ZNF726: variants seen among roughly 807,000 people sequenced by gnomAD.
ZNF726 encodes zinc finger protein 92 pseudogene 3.
In ZNF726, 15 loss-of-function variants were observed where a neutral mutation model predicts 11.6. That is an observed-to-expected ratio of 1.29 (90% CI 0.86 to 1.99). ZNF726 has a LOEUF of 1.99. Among genes scored for constraint, ZNF726 ranks in the 30% most tolerant of loss-of-function variants. The pLI is 0.00. For missense variants in ZNF726, 890 were observed against 725.6 expected (o/e 1.23, Z -2.60); for synonymous variants, 295 against 243.6 (o/e 1.21, Z -1.96).
chr19:23,938,781 AT>A (rs1341291413), downstream of ZNF726, among the ~76,000 whole-genome samples: 1 of 151,420 alleles, frequency 6.6e-6, no homozygotes, highest in Non-Finnish European at 1.5e-5. Flanking sequence ...TAATTTTTGT[AT>A]TTTTAGTAGA....
At chr19:23,936,361 GGA>G (rs1384509343), downstream of ZNF726, among the ~76,000 whole-genome samples, 1 of 152,020 alleles carries the variant, frequency 6.6e-6, no homozygotes, top group Admixed American at 6.6e-5. Context: ...AATATTTTTT[GGA>G]GAGTTATAAT....
chr19:23,934,133 AACCTT>A lies in ZNF726; in HGVS notation c.*169_*173del, dbSNP rs756215863. On this transcript the variant is annotated 3_prime_UTR_variant, in exon 4 of 4. Coordinates refer to ENST00000594466, the MANE Select transcript of ZNF726 (RefSeq NM_001244038.2). Reference sequence around the variant, plus strand: ...CATTAGATAATTCACACTGGAGAGAAACCTTACAAGTGTGAAGAATGTGGGAAAGC... The same window carrying A: ...CATTAGATAATTCACACTGGAGAGAAACAAGTGTGAAGAATGTGGGAAAGC... 81 of 986,472 alleles carry A rather than the reference AACCTT, an allele frequency of 8.2e-5. No individual in the cohort carries two copies. The highest frequency in any genetic ancestry group is 9.6e-5 in the African/African-American group (6 of 62,196). The allele number at this position is 986,472 out of a possible 1,614,324, so 61.1% of individuals were successfully genotyped here. A position where few individuals can be genotyped will look rare whatever the true frequency, so the allele number is the denominator to read the frequency against.
downstream of ZNF726, among the ~76,000 whole-genome samples, chr19:23,937,945 T>A (rs1362293441): frequency 6.6e-6 from 1 of 152,258 alleles, no homozygotes; most frequent in Admixed American, 6.5e-5. Flanking sequence ...TATTTTTAAA[T>A]TATGTGTGAA....
At chr19:23,919,952 A>G (rs777419536) in intron 2 of ZNF726, 35 bp from the exon 3 acceptor site, 54 of 1,458,496 alleles carry the variant, frequency 3.7e-5, no homozygotes, top group Admixed American at 5.3e-5. Flanking sequence ...GGAGAATATG[A>G]GCAAGATTCA....
intron 3 of ZNF726, among the ~76,000 whole-genome samples, chr19:23,931,251 C>T (rs543159402): frequency 3.9e-5 from 6 of 152,338 alleles, no homozygotes; most frequent in African/African-American, 7.2e-5. Context: ...GGATTACAGG[C>T]ATGAGCCACC....
chr19:23,921,286 A>ACTCT (rs112026945), intron 3 of ZNF726: 53,681 of 151,364 alleles, frequency 0.35, 9,720 homozygotes, highest in Middle Eastern at 0.45. Flanking sequence ...GCAGAGCAAG[A>ACTCT]CTCTCTCTCG....
At chr19:23,920,175 C>A in intron 3 of ZNF726, 93 bp downstream of exon 3, 1 of 853,560 alleles carries the variant, frequency 1.2e-6, no homozygotes, top group South Asian at 1.5e-5. Context: ...AGCTGCATTC[C>A]AAAGGAAACC....
At position 23,932,886 on chromosome 19, in the gene ZNF726, A is replaced by T; in HGVS notation, c.770A>T (p.Tyr257Phe). ...GTAACTCATACTGGAGAGAAGCCTT[A>T]CAAGTGTGAAGAATGTGGCAAAGCA... ...HKVTHTGEKP[Y>F]KCEECGKAFS... Residue 257 changes from tyrosine (Y) to phenylalanine (F), a missense_variant, in exon 4 of 4, where the codon TAC becomes TTC. By Grantham distance (22) the Tyr-to-Phe change is conservative. Transcript: ENST00000594466. The T allele has an allele frequency of 3.1e-6, 5 of 1,609,740 alleles. No individual in the cohort carries two copies. In the South Asian group the frequency reaches 5.5e-5, roughly 18 times the overall value.
intron 1 of ZNF726, among the ~76,000 whole-genome samples, chr19:23,916,606 C>T (rs115189653): frequency 0.012 from 1,763 of 152,302 alleles, 33 homozygotes; most frequent in African/African-American, 0.039. Context: ...GCTGGGATTA[C>T]ACATGTGAGC....
At chr19:23,926,599 C>T (rs1185302309) in intron 3 of ZNF726, among the ~76,000 whole-genome samples, 1 of 150,750 alleles carries the variant, frequency 6.6e-6, no homozygotes, top group Non-Finnish European at 1.5e-5. Flanking sequence ...AGTTATCTTC[C>T]TATGTCTAAT....
At chr19:23,925,600 G>A (rs1202729479) in intron 3 of ZNF726, among the ~76,000 whole-genome samples, 1 of 151,684 alleles carries the variant, frequency 6.6e-6, no homozygotes, top group Non-Finnish European at 1.5e-5. Flanking sequence ...TGACTTTTAT[G>A]CATTTCTCTA....
chr19:23,943,650 C>T lies in ZNF726; in HGVS notation c.322+61C>T. The T allele has an allele frequency of 5.9e-6, 3 of 509,188 alleles. No homozygotes were observed. The South Asian group carries it at 9.8e-5, about 17-fold the overall frequency. The allele number at this position is 509,188 out of a possible 1,614,324, so 31.5% of individuals were successfully genotyped here. On this transcript the variant is annotated intron_variant, in intron 4 of 4. Transcript: ENST00000334589. Reference sequence around the variant, plus strand: ...ACAGGTTCAAAGGTCAAAAAGAATGCCAGACTTTAAAATGTGATATGGGAT... The same window carrying T: ...ACAGGTTCAAAGGTCAAAAAGAATGTCAGACTTTAAAATGTGATATGGGAT...
chr19:23,918,325 T>C (rs1178260230), intron 1 of ZNF726, among the ~76,000 whole-genome samples: 1 of 152,152 alleles, frequency 6.6e-6, no homozygotes. Context: ...CATTACACGA[T>C]TAAGAAAAGG....
Position 23,919,454 on chromosome 19 carries a change from T to C in ZNF726, c.85T>C (p.Tyr29His). The C allele has an allele frequency of 6.2e-7, 1 of 1,607,536 alleles. No homozygotes were observed. Among genetic ancestry groups the C allele is most frequent in the South Asian group, 1.1e-5 (1 of 90,610 alleles). The change falls in exon 2 of 4, where the codon TAT becomes CAT. Residue 29 changes from tyrosine (Y) to histidine (H), a missense_variant. By Grantham distance (83) the Tyr-to-His change is moderately conservative. Coordinates refer to ENST00000594466, the MANE Select transcript of ZNF726 (RefSeq NM_001244038.2). ...CCTGGACACTGCACAGAAGAATTTA[T>C]ATAGGAATGTGATGTTAGAGAACTA... ...QCLDTAQKNL[Y>H]RNVMLENYRN... is the part of the protein sequence containing the mutation.
intron 3 of ZNF726, among the ~76,000 whole-genome samples, chr19:23,940,662 T>C (rs138086529): frequency 0.011 from 1,740 of 152,340 alleles, 14 homozygotes; most frequent in Non-Finnish European, 0.017. Flanking sequence ...ATCTATGATA[T>C]CTTTCAGCAG....
chr19:23,937,321 G>A (rs1296733596), downstream of ZNF726, among the ~76,000 whole-genome samples: 2 of 151,766 alleles, frequency 1.3e-5, no homozygotes, highest in African/African-American at 2.4e-5. Flanking sequence ...GGTGGCTAGC[G>A]GGCGGAGACC....
intron 3 of ZNF726, chr19:23,929,013 G>T (rs1223179016): frequency 6.6e-6 from 1 of 151,928 alleles, no homozygotes; most frequent in Non-Finnish European, 1.5e-5. Flanking sequence ...GCCAAGGCTG[G>T]TCTCAAACTT....
At chr19:23,920,276 C>T (rs1967811321) in intron 3 of ZNF726, 194 bp downstream of exon 3, 3 of 370,912 alleles carry the variant, frequency 8.1e-6, no homozygotes, top group Non-Finnish European at 1.5e-5. Context: ...GAATTCTACT[C>T]TCCCTTCAAT....
At position 23,933,723 on chromosome 19, in the gene ZNF726, C is replaced by T. The variant is rs148508964; in HGVS notation, c.1607C>T (p.Pro536Leu). 5.0e-6 allele frequency: 8 copies of T among 1,612,430 alleles called. No homozygotes were observed. The East Asian group carries it at 6.7e-5, about 13-fold the overall frequency. ...KHKRIHTGEKPYKCEECGKTF... is the reference protein window; with the variant it reads ...KHKRIHTGEKLYKCEECGKTF... ...AAGAGGATTCACACTGGAGAGAAACCCTACAAATGTGAAGAATGTGGCAAA... is the reference window on the plus strand; with the variant it reads ...AAGAGGATTCACACTGGAGAGAAACTCTACAAATGTGAAGAATGTGGCAAA... The change falls in exon 4 of 4, where the codon CCC becomes CTC. Residue 536 changes from proline to leucine, a missense_variant. Coordinates refer to ENST00000594466, the MANE Select transcript of ZNF726 (RefSeq NM_001244038.2).
Sources: gnomAD v4.1 joint callset for allele counts (sites outside exome capture counted in the v4.1 genomes callset) on GRCh38, gnomAD v4.1.1 for gene constraint, MANE v1.5 for transcripts, NCBI Gene and HGNC (gene_info 2026-07-23, HGNC 2026-07-21) for gene names.